Variants in LDLRAD4 observed in about 807,000 individuals in gnomAD.
The protein encoded by LDLRAD4 is low-density lipoprotein receptor class A domain-containing protein 4.
LDLRAD4 carries 5 observed loss-of-function variants against 17.0 expected under a neutral mutation model. The observed-to-expected ratio is 0.29, with a 90% CI of 0.15 to 0.62. The LOEUF (loss-of-function observed/expected upper bound fraction) is 0.62. Among genes scored for constraint, LDLRAD4 ranks in the 20% least tolerant of loss-of-function variants. LDLRAD4 has a pLI of 0.84. For synonymous variants in LDLRAD4, 168 were observed against 171.8 expected, an observed-to-expected ratio of 0.98 and a Z score of 0.17; for missense variants, 340 against 424.7, an observed-to-expected ratio of 0.80 and a Z score of 1.75.
intron 1 of LDLRAD4, among the ~76,000 whole-genome samples, chr18:13,352,675 C>G (rs185831101): frequency 1.3e-5 from 2 of 151,616 alleles, no homozygotes; most frequent in Admixed American, 6.6e-5. Context: ...TAATATCTTC[C>G]TCTTTCTCTC....
chr18:13,562,209 G>C (rs1459147656), intron 3 of LDLRAD4, among the ~76,000 whole-genome samples: 2 of 152,214 alleles, frequency 1.3e-5, no homozygotes, highest in Non-Finnish European at 2.9e-5. Context: ...TTTATAGGTA[G>C]ATGTGGCTTG....
intron 3 of LDLRAD4, among the ~76,000 whole-genome samples, chr18:13,531,919 C>T (rs1207898231): frequency 6.6e-6 from 1 of 152,104 alleles, no homozygotes; most frequent in Admixed American, 6.5e-5. Context: ...GCGGCCTGGC[C>T]CTCTGGAGAC....
chr18:13,538,552 G>T lies in LDLRAD4; in HGVS notation c.182-82565G>T, dbSNP rs182001782. Among the ~76,000 whole-genome samples the T allele has an allele frequency of 1.8e-3, 271 of 148,594 alleles. 2 individuals carry two copies. Among genetic ancestry groups the T allele is most frequent in the Admixed American group, 9.4e-3 (140 of 14,910 alleles). On this transcript the variant is annotated intron_variant, in intron 3 of 5. Coordinates refer to ENST00000359446, the Ensembl canonical transcript of LDLRAD4. ...ATGATTTTTTTTTTTTTTGAGACAAGGTCTCAGTCTTGCCCAGGCTGGAGT... is the reference window on the plus strand; with the variant it reads ...ATGATTTTTTTTTTTTTTGAGACAATGTCTCAGTCTTGCCCAGGCTGGAGT...
At chr18:13,522,239 C>T (rs1316673368) in intron 3 of LDLRAD4, 1 of 152,076 alleles carries the variant, frequency 6.6e-6, no homozygotes, top group South Asian at 2.1e-4. Context: ...TAGCCTGTAG[C>T]CTTGCTGTTT....
At chr18:13,224,468 T>C (rs1482685002) in intron 1 of LDLRAD4, among the ~76,000 whole-genome samples, 6 of 107,100 alleles carry the variant, frequency 5.6e-5, no homozygotes, top group Non-Finnish European at 7.6e-5. Flanking sequence ...GTTTCTTTCT[T>C]TCTTTCTTTT....
At chr18:13,531,583 C>T (rs554888361) in intron 3 of LDLRAD4, among the ~76,000 whole-genome samples, 3 of 105,304 alleles carry the variant, frequency 2.8e-5, no homozygotes, top group East Asian at 3.0e-4. Context: ...GAGCAAGACT[C>T]CATCTTTTTT....
At chr18:13,554,309 A>C (rs921664122) in intron 3 of LDLRAD4, among the ~76,000 whole-genome samples, 2 of 152,254 alleles carry the variant, frequency 1.3e-5, no homozygotes, top group African/African-American at 4.8e-5. Flanking sequence ...AGCCCATAGC[A>C]ATGTATGAAA....
At chr18:13,315,937 T>C (rs899916623) in intron 1 of LDLRAD4, among the ~76,000 whole-genome samples, 13 of 151,762 alleles carry the variant, frequency 8.6e-5, no homozygotes, top group Non-Finnish European at 2.9e-5. Flanking sequence ...ACAGAAAATA[T>C]CCAGAGTGAG....
intron 1 of LDLRAD4, among the ~76,000 whole-genome samples, chr18:13,385,037 T>G (rs2145174066): frequency 6.6e-6 from 1 of 152,352 alleles, no homozygotes. Flanking sequence ...TGATTCTATT[T>G]TTAGTCTTTT....
chr18:13,222,506 A>G (rs2041513502), intron 1 of LDLRAD4, among the ~76,000 whole-genome samples: 1 of 152,190 alleles, frequency 6.6e-6, no homozygotes. Flanking sequence ...ATGTTACATG[A>G]CAGGGATAAA....
At chr18:13,317,926 C>G (rs1234576024) in intron 1 of LDLRAD4, among the ~76,000 whole-genome samples, 5 of 152,146 alleles carry the variant, frequency 3.3e-5, no homozygotes, top group African/African-American at 2.4e-5. Flanking sequence ...ACTGTTTCTA[C>G]TAGAGGAATC....
At chr18:13,616,251 T>TGG (rs150523063) in intron 3 of LDLRAD4, 23 of 143,166 alleles carry the variant, frequency 1.6e-4, no homozygotes, top group African/African-American at 4.7e-4. Context: ...GGAGGACAGG[T>TGG]GGGGGGGGGG....
At chr18:13,558,980 G>A (rs1601377245) in intron 3 of LDLRAD4, among the ~76,000 whole-genome samples, 2 of 151,140 alleles carry the variant, frequency 1.3e-5, no homozygotes. Flanking sequence ...CAGCTAATGC[G>A]ACTCGCAGGC....
intron 1 of LDLRAD4, among the ~76,000 whole-genome samples, chr18:13,344,199 G>A (rs1467452417): frequency 6.6e-6 from 1 of 152,072 alleles, no homozygotes; most frequent in Non-Finnish European, 1.5e-5. Flanking sequence ...CTTCTTCTAG[G>A]GTTTTTATGG....
chr18:13,616,558 G>A (rs891726413), intron 3 of LDLRAD4, among the ~76,000 whole-genome samples: 16 of 152,210 alleles, frequency 1.1e-4, no homozygotes, highest in Admixed American at 5.9e-4. Flanking sequence ...TCTGCCGCGT[G>A]TGTGGGCCCC....
intron 2 of LDLRAD4, among the ~76,000 whole-genome samples, chr18:13,424,757 GC>G (rs1229479120): frequency 1.3e-5 from 2 of 152,344 alleles, no homozygotes; most frequent in Admixed American, 1.3e-4. Context: ...GTCATTCTAG[GC>G]AGGAGGAACC....
intron 2 of LDLRAD4, among the ~76,000 whole-genome samples, chr18:13,433,992 C>T (rs1422935076): frequency 6.6e-6 from 1 of 152,170 alleles, no homozygotes; most frequent in African/African-American, 2.4e-5. Flanking sequence ...TCTCCAGCTT[C>T]GGGTAAGTCA....
intron 3 of LDLRAD4, among the ~76,000 whole-genome samples, chr18:13,605,971 G>T (rs1470453374): frequency 1.3e-5 from 2 of 152,136 alleles, no homozygotes; most frequent in Non-Finnish European, 2.9e-5. Flanking sequence ...GCTCAAGATC[G>T]CATTTCTCAT....
chr18:13,575,806 C>T (rs1477876947), intron 3 of LDLRAD4, among the ~76,000 whole-genome samples: 2 of 152,194 alleles, frequency 1.3e-5, no homozygotes, highest in Non-Finnish European at 2.9e-5. Context: ...TTTTGATTTG[C>T]ATTTCCCAGA....
Sources: allele counts gnomAD v4.1 joint callset (sites outside exome capture counted in the v4.1 genomes callset), GRCh38; gene constraint gnomAD v4.1.1; transcripts MANE v1.5; gene names NCBI Gene and HGNC (gene_info 2026-07-23, HGNC 2026-07-21).